Variants in UPF2 observed in about 807,000 individuals in gnomAD.
UPF2 encodes the protein regulator of nonsense transcripts 2.
UPF2 carries 17 observed loss-of-function variants against 141.4 expected under a neutral mutation model. The ratio of observed to expected loss-of-function variants is 0.12; its 90% CI spans 0.08 to 0.18. The LOEUF (loss-of-function observed/expected upper bound fraction) is 0.18. Ranked by LOEUF, UPF2 falls within the 10% of genes least tolerant of loss-of-function variation. UPF2 has a pLI of 1.00. For missense variants in UPF2, 1,152 were observed against 1,515.9 expected (o/e 0.76, Z 3.99); for synonymous variants, 540 against 498.0 (o/e 1.08, Z -1.12).
chr10:12,005,284 GA>G (rs1439363919), intron 4 of UPF2, among the ~76,000 whole-genome samples: 1 of 152,134 alleles, frequency 6.6e-6, no homozygotes, highest in Non-Finnish European at 1.5e-5. Context: ...AAAAAGGTCA[GA>G]ATCTAGTTTT....
At chr10:12,032,422 A>G (rs966001149) in intron 2 of UPF2, among the ~76,000 whole-genome samples, 1 of 152,172 alleles carries the variant, frequency 6.6e-6, no homozygotes, top group Non-Finnish European at 1.5e-5. Context: ...ATGCTCTACA[A>G]TACTCCAGGG....
chr10:11,994,378 A>C (rs897715151), intron 8 of UPF2, among the ~76,000 whole-genome samples: 1 of 152,242 alleles, frequency 6.6e-6, no homozygotes, highest in African/African-American at 2.4e-5. Flanking sequence ...ACTGTGTTAA[A>C]AACAGGAAAT....
intron 16 of UPF2, among the ~76,000 whole-genome samples, chr10:11,946,460 C>T (rs532889880): frequency 1.3e-5 from 2 of 152,256 alleles, no homozygotes; most frequent in East Asian, 3.9e-4. Context: ...ATATTTACAT[C>T]CCATTTACTC....
At chr10:12,005,818 G>A (rs898106889) in intron 4 of UPF2, among the ~76,000 whole-genome samples, 3 of 152,068 alleles carry the variant, frequency 2.0e-5, no homozygotes, top group Non-Finnish European at 4.4e-5. Flanking sequence ...TGATCCACCT[G>A]CCTCAGCCTC....
In UPF2 at chr10:11,959,461, T is replaced by G; in HGVS notation, c.2185-105A>C. ...GATTTGCTATTTCAAAGTAATGGGTTAGAAAGGCAAAGAAAGGACTGGGCA... is the reference window on the plus strand; with the variant it reads ...GATTTGCTATTTCAAAGTAATGGGTGAGAAAGGCAAAGAAAGGACTGGGCA... On this transcript the variant is annotated intron_variant, in intron 11 of 21. Coordinates refer to ENST00000357604, the MANE Select transcript of UPF2 (RefSeq NM_015542.4). This position sits in a 1 kb window ranked among gnomAD's most constrained non-coding sequence, Gnocchi z 5.9. The G allele has an allele frequency of 3.1e-6, 4 of 1,277,906 alleles. No homozygotes were observed. Among genetic ancestry groups the G allele is most frequent in the Non-Finnish European group, 3.1e-6 (3 of 957,094 alleles). 79.2% of individuals were successfully genotyped at this position (1,277,906 alleles called of 1,614,324 possible).
intron 13 of UPF2, among the ~76,000 whole-genome samples, chr10:11,955,775 G>T (rs768650687): frequency 6.6e-6 from 1 of 152,178 alleles, no homozygotes; most frequent in Non-Finnish European, 1.5e-5. Flanking sequence ...CAGTTAAAAT[G>T]TAATTCTACC....
intron 8 of UPF2, among the ~76,000 whole-genome samples, chr10:11,988,301 G>A (rs929854974): frequency 5.3e-5 from 8 of 152,146 alleles, no homozygotes; most frequent in Admixed American, 2.6e-4. Context: ...TTGTTATGCT[G>A]TGTTTATTTT....
At chr10:11,999,737 A>G (rs574965404) in intron 7 of UPF2, among the ~76,000 whole-genome samples, 169 bp downstream of exon 7, 1 of 152,342 alleles carries the variant, frequency 6.6e-6, no homozygotes, top group Admixed American at 6.5e-5. Flanking sequence ...CAGAGCATCT[A>G]TGAATTACAT....
At chr10:12,037,556 C>A (rs1834654782) in intron 1 of UPF2, among the ~76,000 whole-genome samples, 1 of 151,868 alleles carries the variant, frequency 6.6e-6, no homozygotes. Context: ...CCATCACACT[C>A]AGCTAATTTT....
chr10:11,961,480 G>A (rs913925689), intron 11 of UPF2, among the ~76,000 whole-genome samples: 1 of 151,988 alleles, frequency 6.6e-6, no homozygotes, highest in African/African-American at 2.4e-5. Context: ...AGGCCAGTGT[G>A]TTCCTAGTAG....
chr10:11,966,996 T>C (rs7099262), intron 10 of UPF2, among the ~76,000 whole-genome samples: 27,252 of 152,196 alleles, frequency 0.18, 2,683 homozygotes, highest in South Asian at 0.27. Flanking sequence ...TTGTATAGCA[T>C]ATTTTCCCCA....
intron 3 of UPF2, among the ~76,000 whole-genome samples, chr10:12,018,707 G>A (rs544843315): frequency 1.3e-5 from 2 of 152,236 alleles, no homozygotes; most frequent in East Asian, 1.9e-4. Context: ...AGCCGTGACC[G>A]TGCCACTGTG....
At chr10:12,035,008 A>G (rs750098872) in intron 2 of UPF2, 51 bp downstream of exon 2, 1 of 1,509,484 alleles carries the variant, frequency 6.6e-7, no homozygotes, top group South Asian at 1.4e-5. Context: ...TTCCCAAAAT[A>G]TTCCAATCTT....
chr10:11,994,597 G>A (rs12416016), intron 8 of UPF2, among the ~76,000 whole-genome samples: 8,534 of 152,136 alleles, frequency 0.056, 293 homozygotes, highest in Non-Finnish European at 0.08. Context: ...ACTGCATATG[G>A]CCAAGATTAA....
At chr10:11,961,066 G>T (rs573951333) in intron 11 of UPF2, among the ~76,000 whole-genome samples, 65 of 150,036 alleles carry the variant, frequency 4.3e-4, no homozygotes, top group Non-Finnish European at 7.2e-4. Context: ...CTCCAGCCTG[G>T]GCAACAGCGG....
chr10:11,975,272 C>G (rs1368620201), intron 9 of UPF2, among the ~76,000 whole-genome samples: 1 of 152,068 alleles, frequency 6.6e-6, no homozygotes, highest in Non-Finnish European at 1.5e-5. Context: ...TAAAACAAAA[C>G]AAAAAGCTGT....
At position 12,028,645 on chromosome 10, in the gene UPF2, C is replaced by T. The variant is rs1184547408; in HGVS notation, c.1145+100G>A. ...ATGTTAAGAAATCACCTGTAAGGAG[C>T]CCTTTTCCATAAGTTCTTTCAGTGG... On this transcript the variant is annotated intron_variant, in intron 3 of 21. Coordinates refer to ENST00000357604, the MANE Select transcript of UPF2 (RefSeq NM_015542.4). 1.1e-5 allele frequency: 13 copies of T among 1,230,958 alleles called. 1 individual carries two copies. Among genetic ancestry groups the T allele is most frequent in the Non-Finnish European group, 1.2e-5 (11 of 902,616 alleles). 76.3% of individuals were successfully genotyped at this position (1,230,958 alleles called of 1,614,324 possible). A position where few individuals can be genotyped will look rare whatever the true frequency, so the allele number is the denominator to read the frequency against.
intron 18 of UPF2, among the ~76,000 whole-genome samples, chr10:11,937,690 C>T (rs979272653): frequency 6.6e-6 from 1 of 152,082 alleles, no homozygotes; most frequent in Non-Finnish European, 1.5e-5. Context: ...GGAAGGTAGG[C>T]AGGTCATGCT....
intron 1 of UPF2, among the ~76,000 whole-genome samples, chr10:12,038,185 C>G (rs1256397417): frequency 6.6e-6 from 1 of 152,046 alleles, no homozygotes; most frequent in Non-Finnish European, 1.5e-5. Flanking sequence ...GAGTTTGAGT[C>G]CAGCCTGGCC....
Sources: allele counts gnomAD v4.1 joint callset (sites outside exome capture counted in the v4.1 genomes callset), GRCh38; gene constraint gnomAD v4.1.1; non-coding constraint Gnocchi (gnomAD v3.1); transcripts MANE v1.5; gene names NCBI Gene and HGNC (gene_info 2026-07-23, HGNC 2026-07-21).